The following KIAA0232 variants were observed in gnomAD, a reference collection of about 807,000 sequenced individuals.
The protein encoded by KIAA0232 is KIAA0232, also known as uncharacterized protein KIAA0232.
KIAA0232 carries 27 observed loss-of-function variants against 122.0 expected under a neutral mutation model. The ratio of observed to expected loss-of-function variants is 0.22; its 90% CI spans 0.16 to 0.31. The LOEUF (loss-of-function observed/expected upper bound fraction) is 0.31. KIAA0232 is among the 10% of genes least tolerant of loss of function. The probability of loss-of-function intolerance (pLI) is 1.00; values close to 1 mark genes in which losing one functional copy is unlikely to be tolerated. For synonymous variants in KIAA0232, 613 were observed against 587.6 expected (o/e 1.04, Z -0.63); for missense variants, 1,551 against 1,634.2 (o/e 0.95, Z 0.88).
intron 4 of KIAA0232, among the ~76,000 whole-genome samples, chr4:6,847,268 G>C (rs1279441015): frequency 1.3e-5 from 2 of 152,158 alleles, no homozygotes; most frequent in Admixed American, 1.3e-4. Context: ...TTACCAGACT[G>C]TTCACTGGTG....
At chr4:6,840,505 C>G (rs1719588344) in intron 3 of KIAA0232, among the ~76,000 whole-genome samples, 1 of 152,124 alleles carries the variant, frequency 6.6e-6, no homozygotes, top group African/African-American at 2.4e-5. Context: ...CCCAATCTCC[C>G]TTTTGATAAA....
chr4:6,849,345 G>A (rs570665614), intron 4 of KIAA0232, among the ~76,000 whole-genome samples: 5 of 152,316 alleles, frequency 3.3e-5, no homozygotes, highest in African/African-American at 7.2e-5. Flanking sequence ...TTCCTGGCCC[G>A]GCACAGTGGC....
intron 3 of KIAA0232, 134 bp downstream of exon 3, chr4:6,824,818 A>C: frequency 1.4e-6 from 1 of 728,270 alleles, no homozygotes; most frequent in South Asian, 1.7e-5. Flanking sequence ...GTCAGTGACC[A>C]GATGGTAAGA....
intron 1 of KIAA0232, among the ~76,000 whole-genome samples, chr4:6,798,945 C>T (rs750629722): frequency 4.6e-5 from 7 of 152,086 alleles, no homozygotes; most frequent in Non-Finnish European, 8.8e-5. Context: ...TGTTTGTTTC[C>T]TAGGGATGCT....
chr4:6,795,771 T>A (rs1232552012), intron 1 of KIAA0232, among the ~76,000 whole-genome samples: 2 of 152,192 alleles, frequency 1.3e-5, no homozygotes, highest in Non-Finnish European at 2.9e-5. Context: ...TTACTTTTTT[T>A]GTAGAGACTG....
At chr4:6,821,569 C>G (rs1718424649) in intron 2 of KIAA0232, among the ~76,000 whole-genome samples, 1 of 151,868 alleles carries the variant, frequency 6.6e-6, no homozygotes, top group Non-Finnish European at 1.5e-5. Flanking sequence ...CTTTTTGTGG[C>G]TGAGTAGTAG....
chr4:6,821,749 C>G (rs761072927), intron 2 of KIAA0232, among the ~76,000 whole-genome samples: 7 of 151,800 alleles, frequency 4.6e-5, no homozygotes, highest in Non-Finnish European at 1.0e-4. Flanking sequence ...TCTTTATCCC[C>G]TCATTGATTG....
In KIAA0232 at chr4:6,855,834, G is replaced by T; in HGVS notation, c.370-1330G>T. The T allele has an allele frequency of 1.0e-6, 1 of 985,318 alleles. No homozygotes were observed. The highest frequency in any genetic ancestry group is 1.2e-6 in the Non-Finnish European group (1 of 829,854). 61.0% of individuals were successfully genotyped at this position (985,318 alleles called of 1,614,324 possible). A position where few individuals can be genotyped will look rare whatever the true frequency, so the allele number is the denominator to read the frequency against. On this transcript the variant is annotated intron_variant, in intron 4 of 9. Transcript: ENST00000307659. The surrounding 1 kb of genome is among the most constrained non-coding windows in gnomAD (Gnocchi z 4.3). ...ATGCAGTGTGTCAGCTGACACTGGT[G>T]TTGGTTTCACGATCCGAAGGAAATG...
At chr4:6,858,389 T>C (rs757811206) in intron 5 of KIAA0232, 36 bp from the exon 6 acceptor site, 5 of 1,298,410 alleles carry the variant, frequency 3.9e-6, no homozygotes, top group Non-Finnish European at 5.4e-6. Context: ...TAACTAGATA[T>C]AAGACAAATC....
At chr4:6,850,672 CTTTT>C (rs373194091) in intron 4 of KIAA0232, among the ~76,000 whole-genome samples, 1 of 139,874 alleles carries the variant, frequency 7.1e-6, no homozygotes, top group Non-Finnish European at 1.6e-5. Context: ...AAGGAACATT[CTTTT>C]TTTTTTTTTT....
chr4:6,875,995 A>G (rs1265091719), intron 8 of KIAA0232, among the ~76,000 whole-genome samples: 1 of 152,184 alleles, frequency 6.6e-6, no homozygotes, highest in African/African-American at 2.4e-5. Flanking sequence ...TAAAGCCCCC[A>G]GATGATGAGA....
At chr4:6,793,475 C>G (rs1163868169) in intron 1 of KIAA0232, among the ~76,000 whole-genome samples, 1 of 152,208 alleles carries the variant, frequency 6.6e-6, no homozygotes, top group Non-Finnish European at 1.5e-5. Context: ...TTTAGCGAAA[C>G]AGCCTAAGTT....
At chr4:6,832,420 C>T (rs551507716) in intron 3 of KIAA0232, among the ~76,000 whole-genome samples, 1 of 149,836 alleles carries the variant, frequency 6.7e-6, no homozygotes, top group East Asian at 2.0e-4. Context: ...GTGATCTCGG[C>T]TCACTGCAAC....
chr4:6,822,766 C>CTTT (rs537963057), intron 2 of KIAA0232, among the ~76,000 whole-genome samples: 1 of 136,674 alleles, frequency 7.3e-6, no homozygotes, highest in South Asian at 2.4e-4. Context: ...AGACAAGTTT[C>CTTT]TTTTTTTTTT....
intron 6 of KIAA0232, among the ~76,000 whole-genome samples, chr4:6,859,241 T>C (rs1278631437): frequency 6.6e-6 from 1 of 152,188 alleles, no homozygotes; most frequent in Non-Finnish European, 1.5e-5. Flanking sequence ...CTAAAGATAC[T>C]TTTATTTTTT....
chr4:6,873,455 T>A (rs1721601235), intron 8 of KIAA0232, among the ~76,000 whole-genome samples: 1 of 152,212 alleles, frequency 6.6e-6, no homozygotes, highest in Non-Finnish European at 1.5e-5. Context: ...TGGCCACAGC[T>A]GTGCCACAGA....
intron 7 of KIAA0232, among the ~76,000 whole-genome samples, chr4:6,865,104 G>A (rs983884801): frequency 6.6e-5 from 10 of 152,188 alleles, no homozygotes; most frequent in African/African-American, 2.4e-4. Context: ...ACATTAAGTT[G>A]TGTTAATGAG....
chr4:6,874,787 G>C (rs1242531953), intron 8 of KIAA0232, among the ~76,000 whole-genome samples: 1 of 152,222 alleles, frequency 6.6e-6, no homozygotes, highest in Non-Finnish European at 1.5e-5. Flanking sequence ...GCCTAGAACA[G>C]TGGCTGGCAT....
At chr4:6,793,976 A>G (rs1005372812) in intron 1 of KIAA0232, among the ~76,000 whole-genome samples, 3 of 152,212 alleles carry the variant, frequency 2.0e-5, no homozygotes, top group Non-Finnish European at 4.4e-5. Context: ...CTCTACCTAG[A>G]GATCTATTCA....
Sources: allele counts gnomAD v4.1 joint callset (sites outside exome capture counted in the v4.1 genomes callset), GRCh38; gene constraint gnomAD v4.1.1; non-coding constraint Gnocchi (gnomAD v3.1); transcripts MANE v1.5; gene names NCBI Gene and HGNC (gene_info 2026-07-23, HGNC 2026-07-21).